COMMD10: variants seen among roughly 807,000 people sequenced by gnomAD.
The protein encoded by COMMD10 is COMM domain containing 10.
In COMMD10, 33 loss-of-function variants were observed where a neutral mutation model predicts 28.9. The ratio of observed to expected loss-of-function variants is 1.14; its 90% CI spans 0.87 to 1.53. The LOEUF is 1.53. Ranked by LOEUF, COMMD10 falls within the 40% of genes most tolerant of loss-of-function variation. The pLI is 0.00. For missense variants in COMMD10, 310 were observed against 233.4 expected (o/e 1.33, Z -2.14); for synonymous variants, 110 against 81.7 (o/e 1.35, Z -1.87).
intron 4 of COMMD10, among the ~76,000 whole-genome samples, chr5:116,118,731 G>C (rs1453161569): frequency 2.9e-5 from 4 of 137,502 alleles, no homozygotes; most frequent in Non-Finnish European, 6.6e-5. Context: ...GCTTTAGGTT[G>C]AAACAGATGG....
intron 5 of COMMD10, among the ~76,000 whole-genome samples, chr5:116,135,964 A>G (rs1752013799): frequency 6.6e-6 from 1 of 152,180 alleles, no homozygotes; most frequent in Non-Finnish European, 1.5e-5. Flanking sequence ...TTTTATGAAG[A>G]CTAAATACCT....
At chr5:116,165,093 C>A (rs571330936) in intron 5 of COMMD10, among the ~76,000 whole-genome samples, 1 of 152,248 alleles carries the variant, frequency 6.6e-6, no homozygotes, top group African/African-American at 2.4e-5. Flanking sequence ...CTGACATATC[C>A]TTATGCTGTT....
rs372100306 is a variant in COMMD10 at position 116,254,495 on chromosome 5, G to A, written c.511-37022G>A. Among the ~76,000 whole-genome samples the A allele has an allele frequency of 7.0e-4, 105 of 150,988 alleles. 1 individual carries two copies. In the East Asian group the frequency reaches 0.018, roughly 26 times the overall value. ...TGCGTCCCAGAGATTCTGGTATGTT[G>A]TGTCTTTGTTCTTGTTGGTTTCAAA... is the stretch of plus-strand genomic sequence containing the variant. On this transcript the variant is annotated intron_variant, in intron 5 of 6. Transcript: ENST00000274458.
intron 5 of COMMD10, among the ~76,000 whole-genome samples, chr5:116,246,897 C>A (rs1245856111): frequency 6.6e-6 from 1 of 152,000 alleles, no homozygotes; most frequent in East Asian, 1.9e-4. Flanking sequence ...TAGGCAATAC[C>A]ATGCAGGACA....
At chr5:116,235,519 C>T (rs1246614292) in intron 5 of COMMD10, among the ~76,000 whole-genome samples, 1 of 152,100 alleles carries the variant, frequency 6.6e-6, no homozygotes, top group Non-Finnish European at 1.5e-5. Context: ...GGAGTATATC[C>T]TCAAAGATCT....
At chr5:116,160,720 C>T (rs1752889260) in intron 5 of COMMD10, among the ~76,000 whole-genome samples, 1 of 152,092 alleles carries the variant, frequency 6.6e-6, no homozygotes, top group African/African-American at 2.4e-5. Flanking sequence ...GTCATCAGAA[C>T]CTTGGCATAT....
At chr5:116,143,069 GTT>G (rs375227609) in intron 5 of COMMD10, among the ~76,000 whole-genome samples, 5 of 131,000 alleles carry the variant, frequency 3.8e-5, no homozygotes, top group Non-Finnish European at 8.0e-5. Flanking sequence ...TGTGTTTTTG[GTT>G]TTTTTTTTTT....
At chr5:116,211,894 T>C (rs991760420) in intron 5 of COMMD10, among the ~76,000 whole-genome samples, 2 of 152,166 alleles carry the variant, frequency 1.3e-5, no homozygotes, top group East Asian at 3.8e-4. Flanking sequence ...GTGTGATAGC[T>C]AACAGCACAG....
chr5:116,089,032 T>G (rs1384962715), intron 2 of COMMD10, among the ~76,000 whole-genome samples: 1 of 152,212 alleles, frequency 6.6e-6, no homozygotes, highest in Non-Finnish European at 1.5e-5. Flanking sequence ...AACCTAAGTC[T>G]TCTATAATAT....
intron 5 of COMMD10, among the ~76,000 whole-genome samples, chr5:116,252,150 G>GT (rs1400125074): frequency 6.9e-6 from 1 of 145,912 alleles, no homozygotes; most frequent in Non-Finnish European, 1.5e-5. Flanking sequence ...GGGGTTGTTT[G>GT]TTTTTTTCTT....
intron 4 of COMMD10, among the ~76,000 whole-genome samples, chr5:116,096,481 C>G (rs915908135): frequency 6.6e-6 from 1 of 151,910 alleles, no homozygotes; most frequent in African/African-American, 2.4e-5. Context: ...GTTTTAGCAG[C>G]TTTCTTATAG....
chr5:116,263,227 A>T (rs1235766247), intron 5 of COMMD10, among the ~76,000 whole-genome samples: 1 of 151,758 alleles, frequency 6.6e-6, no homozygotes, highest in Non-Finnish European at 1.5e-5. Flanking sequence ...ATTGGAGCTG[A>T]GGACTAAGCT....
At chr5:116,226,567 A>G (rs1348697307) in intron 5 of COMMD10, among the ~76,000 whole-genome samples, 1 of 152,034 alleles carries the variant, frequency 6.6e-6, no homozygotes, top group African/African-American at 2.4e-5. Flanking sequence ...ATTGGAAAAT[A>G]GTTCGGCATT....
intron 5 of COMMD10, among the ~76,000 whole-genome samples, chr5:116,263,595 G>T (rs1750507004): frequency 6.6e-6 from 1 of 151,640 alleles, no homozygotes; most frequent in Non-Finnish European, 1.5e-5. Flanking sequence ...TCTCTCTGAA[G>T]TCTGCTCTCT....
rs73257210 is a variant in COMMD10 at position 116,181,943 on chromosome 5, G to T, written c.510+47765G>T. On this transcript the variant is annotated intron_variant, in intron 5 of 6. Coordinates refer to ENST00000274458, the MANE Select transcript of COMMD10 (RefSeq NM_016144.4). ...AAAGAGTAGGATAGACATAGCTCCT[G>T]CCCCCATGGAGTTTATATTCTCTTA... Among the ~76,000 whole-genome samples, 1,236 of 152,144 alleles carry T rather than the reference G, an allele frequency of 8.1e-3. 23 individuals carry two copies. Among genetic ancestry groups the T allele is most frequent in the African/African-American group, 0.028 (1,148 of 41,504 alleles).
chr5:116,118,332 C>G (rs1379950966), intron 4 of COMMD10, among the ~76,000 whole-genome samples: 1 of 152,076 alleles, frequency 6.6e-6, no homozygotes, highest in African/African-American at 2.4e-5. Context: ...AATATAAGCT[C>G]CTCAATGGCA....
rs1404314167 is a variant in COMMD10, at chr5:116,249,129, C to A, written c.511-42388C>A. ...CTTCCTTTAAAGTCATATTTTTCAT[C>A]ATAAATTCTTATTACCTTGGTATAT... On this transcript the variant is annotated intron_variant, in intron 5 of 6. Transcript: ENST00000274458. Among the ~76,000 whole-genome samples the A allele has an allele frequency of 2.6e-5, 4 of 152,044 alleles. No individual in the cohort carries two copies. The East Asian group carries it at 7.7e-4, about 29-fold the overall frequency.
rs1409327762 is a variant in COMMD10, at chr5:116,259,372, C to T, written c.511-32145C>T. On this transcript the variant is annotated intron_variant, in intron 5 of 6. Transcript: ENST00000274458. ...GTTTTTAATTTTGTAGCAGTCTTTT[C>T]CATAATTGTTTTTTTTTGTCTGTGT... is the stretch of plus-strand genomic sequence containing the variant. Among the ~76,000 whole-genome samples the T allele has an allele frequency of 4.6e-5, 7 of 151,522 alleles. 1 individual carries two copies. The highest frequency in any genetic ancestry group is 1.7e-4 in the African/African-American group (7 of 41,040).
At chr5:116,107,404 C>T (rs1315980083) in intron 4 of COMMD10, among the ~76,000 whole-genome samples, 2 of 152,130 alleles carry the variant, frequency 1.3e-5, no homozygotes, top group Admixed American at 6.5e-5. Flanking sequence ...CTGATCTTGT[C>T]TTCTCACTTT....
Sources: allele counts gnomAD v4.1 joint callset (sites outside exome capture counted in the v4.1 genomes callset), GRCh38; gene constraint gnomAD v4.1.1; transcripts MANE v1.5; gene names NCBI Gene and HGNC (gene_info 2026-07-23, HGNC 2026-07-21).